Variants in ASIC2 observed in about 807,000 individuals in gnomAD.
ASIC2 encodes acid-sensing ion channel 2.
A neutral mutation model predicts 57.3 loss-of-function variants in ASIC2; 25 were observed. That is an observed-to-expected ratio of 0.44 (90% CI 0.32 to 0.61). ASIC2 has a LOEUF of 0.61. Among genes scored for constraint, ASIC2 ranks in the 20% least tolerant of loss-of-function variants. The probability of loss-of-function intolerance (pLI) is 0.06; values close to 1 mark genes in which losing one functional copy is unlikely to be tolerated. For missense variants in ASIC2, 641 were observed against 738.1 expected (o/e 0.87, Z 1.52); for synonymous variants, 319 against 307.5 (o/e 1.04, Z -0.39).
At chr17:33,415,823 T>C (rs1461391134) in intron 1 of ASIC2, among the ~76,000 whole-genome samples, 1 of 152,222 alleles carries the variant, frequency 6.6e-6, no homozygotes, top group Non-Finnish European at 1.5e-5. Flanking sequence ...ATGCTGCAGT[T>C]AGACATCTTC....
chr17:33,456,069 T>C (rs1022159765), intron 1 of ASIC2, among the ~76,000 whole-genome samples: 1 of 151,944 alleles, frequency 6.6e-6, no homozygotes, highest in African/African-American at 2.4e-5. Flanking sequence ...CTATCCCAAC[T>C]CCCCCCAACC....
intron 3 of ASIC2, among the ~76,000 whole-genome samples, chr17:33,036,531 A>G (rs2091909240): frequency 6.6e-6 from 1 of 152,146 alleles, no homozygotes; most frequent in Non-Finnish European, 1.5e-5. Flanking sequence ...CCTGGACTCA[A>G]GCGATCTTCC....
intron 1 of ASIC2, among the ~76,000 whole-genome samples, chr17:33,803,055 G>C (rs752734518): frequency 2.0e-5 from 3 of 152,158 alleles, no homozygotes; most frequent in African/African-American, 7.2e-5. Flanking sequence ...TCAGTCTTTT[G>C]TTCTGAGTAA....
intron 1 of ASIC2, among the ~76,000 whole-genome samples, chr17:33,759,684 C>T (rs1910720660): frequency 6.6e-6 from 1 of 152,170 alleles, no homozygotes. Flanking sequence ...CTCAGAGTCA[C>T]CTCAGGGCTC....
At chr17:33,380,954 C>A (rs1450854787) in intron 1 of ASIC2, among the ~76,000 whole-genome samples, 1 of 152,070 alleles carries the variant, frequency 6.6e-6, no homozygotes, top group East Asian at 1.9e-4. Flanking sequence ...CCTAGAATTG[C>A]CCCAGTGAGA....
At chr17:33,742,927 A>G (rs928337120) in intron 1 of ASIC2, among the ~76,000 whole-genome samples, 1 of 152,210 alleles carries the variant, frequency 6.6e-6, no homozygotes, top group Non-Finnish European at 1.5e-5. Flanking sequence ...ATTCCCCAGC[A>G]GCCTTCTGAT....
intron 2 of ASIC2, among the ~76,000 whole-genome samples, chr17:33,095,591 C>A (rs79797022): frequency 0.042 from 6,386 of 152,254 alleles, 199 homozygotes; most frequent in Non-Finnish European, 0.06. Context: ...CTGTGTGGAT[C>A]TCACAGGGAG....
At chr17:34,016,544 G>A (rs1285409429) in intron 1 of ASIC2, among the ~76,000 whole-genome samples, 2 of 151,426 alleles carry the variant, frequency 1.3e-5, no homozygotes, top group Non-Finnish European at 2.9e-5. Context: ...TAAACAAATA[G>A]TGAAAATAAA....
intron 1 of ASIC2, among the ~76,000 whole-genome samples, chr17:33,312,316 C>G (rs1320196885): frequency 6.6e-6 from 1 of 152,130 alleles, no homozygotes; most frequent in Admixed American, 6.5e-5. Context: ...TGGGGTGACA[C>G]AGGAAGTATC....
chr17:33,078,237 T>C (rs1318097401), intron 3 of ASIC2, among the ~76,000 whole-genome samples: 2 of 151,478 alleles, frequency 1.3e-5, no homozygotes, highest in African/African-American at 4.9e-5. Flanking sequence ...GATCCAGTGC[T>C]GAGTGGGTGC....
intron 1 of ASIC2, among the ~76,000 whole-genome samples, chr17:33,942,904 G>C (rs1248303739): frequency 1.3e-5 from 2 of 152,184 alleles, no homozygotes; most frequent in East Asian, 3.9e-4. Flanking sequence ...GCTCTCCACA[G>C]TAATAGTTGG....
rs146757170 is a variant in ASIC2 at position 33,543,812 on chromosome 17, G to A, written c.556-431745C>T. Among the ~76,000 whole-genome samples the A allele has an allele frequency of 1.8e-3, 268 of 152,290 alleles. 1 individual carries two copies. The highest frequency in any genetic ancestry group is 6.1e-3 in the African/African-American group (252 of 41,556). ...TGCCCAGGGCACAGAGCTAGTAAACGGAAAAGCTGGGATTTGAACCCCAGT... is the reference window on the plus strand; with the variant it reads ...TGCCCAGGGCACAGAGCTAGTAAACAGAAAAGCTGGGATTTGAACCCCAGT... On this transcript the variant is annotated intron_variant, in intron 1 of 9. Transcript: ENST00000359872.
intron 1 of ASIC2, among the ~76,000 whole-genome samples, chr17:33,214,655 T>G (rs923154205): frequency 7.0e-6 from 1 of 143,344 alleles, no homozygotes; most frequent in African/African-American, 2.6e-5. Flanking sequence ...GTGATAGGTC[T>G]GGGGTGGCCT....
chr17:33,762,651 A>G (rs1322079903), intron 1 of ASIC2, among the ~76,000 whole-genome samples: 2 of 152,218 alleles, frequency 1.3e-5, no homozygotes, highest in Non-Finnish European at 2.9e-5. Context: ...TCTCCTGGCC[A>G]TAGCCGTTGC....
chr17:33,316,851 C>T (rs1457099743), intron 1 of ASIC2, among the ~76,000 whole-genome samples: 4 of 152,170 alleles, frequency 2.6e-5, no homozygotes, highest in African/African-American at 7.2e-5. Context: ...GAATAAAATC[C>T]ACTTTGGAGA....
Position 33,014,076 on chromosome 17 carries a change from A to G in ASIC2, c.1591-10T>C, listed in dbSNP as rs377126394. On this transcript the variant is annotated splice_polypyrimidine_tract_variant and intron_variant, in intron 9 of 9. Coordinates refer to ENST00000225823, the MANE Select transcript of ASIC2 (RefSeq NM_183377.2). ...TTGTGTCACAAGTACTCTGGAAGGG[A>G]AGGGTTGGTGGGAGTTTATTATTCG... The G allele has an allele frequency of 3.2e-6, 5 of 1,579,446 alleles. No homozygotes were observed. Among genetic ancestry groups the G allele is most frequent in the Non-Finnish European group, 4.3e-6 (5 of 1,159,584 alleles).
chr17:34,039,609 A>T, intron 1 of ASIC2: 1 of 1,613,272 alleles, frequency 6.2e-7, no homozygotes, highest in Non-Finnish European at 8.5e-7. Flanking sequence ...CAGCAAACTC[A>T]AAGTAATCAC....
chr17:33,579,425 A>G (rs955439852), intron 1 of ASIC2, among the ~76,000 whole-genome samples: 1 of 151,988 alleles, frequency 6.6e-6, no homozygotes, highest in African/African-American at 2.4e-5. Context: ...AAACAAGGAG[A>G]TATAGACTAG....
chr17:33,518,773 C>T (rs1914647798), intron 1 of ASIC2, among the ~76,000 whole-genome samples: 1 of 151,730 alleles, frequency 6.6e-6, no homozygotes, highest in Non-Finnish European at 1.5e-5. Flanking sequence ...TTCTTAAATG[C>T]TTTGGACACA....
Sources: allele counts gnomAD v4.1 joint callset (sites outside exome capture counted in the v4.1 genomes callset), GRCh38; gene constraint gnomAD v4.1.1; transcripts MANE v1.5; gene names NCBI Gene and HGNC (gene_info 2026-07-23, HGNC 2026-07-21).